STX8: variants seen among roughly 807,000 people sequenced by gnomAD.
STX8 encodes syntaxin 8.
Under a neutral mutation model 37.5 loss-of-function variants are expected in STX8, and 23 were observed. That is an observed-to-expected ratio of 0.61 (90% CI 0.44 to 0.87). The LOEUF (loss-of-function observed/expected upper bound fraction) is 0.87. Ranked by LOEUF, STX8 falls within the 40% of genes least tolerant of loss-of-function variation. The probability of loss-of-function intolerance (pLI) is 0.00; values close to 1 mark genes in which losing one functional copy is unlikely to be tolerated. For synonymous variants in STX8, 115 were observed against 99.1 expected (o/e 1.16, Z -0.95); for missense variants, 313 against 284.7 (o/e 1.10, Z -0.71).
At chr17:9,354,737 A>C (rs1398636616) in intron 7 of STX8, among the ~76,000 whole-genome samples, 1 of 152,136 alleles carries the variant, frequency 6.6e-6, no homozygotes, top group African/African-American at 2.4e-5. Context: ...ACTAAATCTC[A>C]TAACCTTCAG....
At chr17:9,540,683 C>T (rs7224471) in intron 4 of STX8, 152,201 of 152,332 alleles carry the variant, frequency 1, 76,035 homozygotes, top group Middle Eastern at 1. Flanking sequence ...TCTACCTTCT[C>T]CAAATCACTC....
At chr17:9,437,021 A>T (rs1275135860) in intron 6 of STX8, among the ~76,000 whole-genome samples, 2 of 152,236 alleles carry the variant, frequency 1.3e-5, no homozygotes, top group African/African-American at 4.8e-5. Flanking sequence ...ATGAAGCATA[A>T]ATCATGCCTT....
chr17:9,272,180 A>AATG (rs1426138842), intron 7 of STX8, among the ~76,000 whole-genome samples: 4 of 152,218 alleles, frequency 2.6e-5, no homozygotes, highest in African/African-American at 9.6e-5. Context: ...GGGGTGGCCA[A>AATG]ATGACCGCTC....
chr17:9,253,707 A>G (rs956736206), intron 7 of STX8, among the ~76,000 whole-genome samples: 6 of 152,090 alleles, frequency 3.9e-5, no homozygotes, highest in African/African-American at 1.2e-4. Context: ...CACAGTTGGG[A>G]GGACACTTGG....
intron 5 of STX8, among the ~76,000 whole-genome samples, chr17:9,493,918 A>C (rs1021391275): frequency 4.6e-5 from 7 of 152,210 alleles, no homozygotes; most frequent in African/African-American, 1.4e-4. Context: ...ATATCCACAT[A>C]GTAAAACACT....
intron 4 of STX8, 124 bp from the exon 5 acceptor site, chr17:9,505,286 T>C: frequency 9.1e-7 from 1 of 1,097,696 alleles, no homozygotes; most frequent in South Asian, 1.7e-5. Flanking sequence ...CACAATTTAT[T>C]GCATCATTAG....
chr17:9,483,873 G>C (rs1375078045), intron 6 of STX8, among the ~76,000 whole-genome samples: 1 of 152,148 alleles, frequency 6.6e-6, no homozygotes, highest in Non-Finnish European at 1.5e-5. Context: ...CTTGGGCACA[G>C]GCAGGGTGGG....
intron 6 of STX8, among the ~76,000 whole-genome samples, chr17:9,436,212 A>G (rs12947013): frequency 0.18 from 26,884 of 151,224 alleles, 2,944 homozygotes; most frequent in Middle Eastern, 0.27. Flanking sequence ...GGGAGTGGTG[A>G]CGGGCGCCTG....
intron 7 of STX8, among the ~76,000 whole-genome samples, chr17:9,263,453 T>C (rs1239816969): frequency 1.3e-5 from 2 of 152,228 alleles, no homozygotes; most frequent in Non-Finnish European, 2.9e-5. Context: ...CACTCCAGCC[T>C]GGGTAACAAG....
At chr17:9,327,247 GGAA>G (rs888289939) in intron 7 of STX8, among the ~76,000 whole-genome samples, 1 of 148,110 alleles carries the variant, frequency 6.8e-6, no homozygotes, top group African/African-American at 2.5e-5. Flanking sequence ...GGACAGAGGA[GGAA>G]GGAGGAAGGA....
intron 6 of STX8, among the ~76,000 whole-genome samples, chr17:9,466,134 C>T (rs943793428): frequency 6.6e-6 from 1 of 152,058 alleles, no homozygotes; most frequent in Non-Finnish European, 1.5e-5. Context: ...CCACACCCGG[C>T]TAATTTTTTT....
intron 7 of STX8, among the ~76,000 whole-genome samples, chr17:9,288,623 C>A (rs1444399083): frequency 6.6e-6 from 1 of 151,880 alleles, no homozygotes; most frequent in East Asian, 1.9e-4. Flanking sequence ...GATCGCGCCA[C>A]TGCACTCCAG....
chr17:9,479,200 C>T (rs919262770), intron 6 of STX8, among the ~76,000 whole-genome samples: 1 of 152,232 alleles, frequency 6.6e-6, no homozygotes, highest in African/African-American at 2.4e-5. Context: ...ATGCTATTGG[C>T]TGTGGGACAA....
intron 7 of STX8, among the ~76,000 whole-genome samples, chr17:9,304,786 C>A (rs1908912234): frequency 6.6e-6 from 1 of 151,830 alleles, no homozygotes. Flanking sequence ...CTTTGGAGGG[C>A]AATCTGGTAA....
chr17:9,518,855 C>A (rs565654604), intron 4 of STX8, among the ~76,000 whole-genome samples: 1 of 142,200 alleles, frequency 7.0e-6, no homozygotes. Flanking sequence ...GGCGGCAGAG[C>A]GAGACTCCGT....
intron 6 of STX8, among the ~76,000 whole-genome samples, chr17:9,423,681 A>G (rs1913523651): frequency 6.6e-6 from 1 of 152,198 alleles, no homozygotes; most frequent in Non-Finnish European, 1.5e-5. Context: ...GAAAACTGAC[A>G]TGAGTTATGT....
At chr17:9,444,445 G>T (rs1437996890) in intron 6 of STX8, among the ~76,000 whole-genome samples, 1 of 152,134 alleles carries the variant, frequency 6.6e-6, no homozygotes, top group Non-Finnish European at 1.5e-5. Context: ...GCGCTGATTT[G>T]GTGGAATTAT....
At chr17:9,354,489 T>G (rs761908730) in intron 7 of STX8, among the ~76,000 whole-genome samples, 5 of 151,996 alleles carry the variant, frequency 3.3e-5, no homozygotes, top group Non-Finnish European at 7.4e-5. Flanking sequence ...GCCTGGCTAA[T>G]TTTTGTATTT....
intron 3 of STX8, chr17:9,553,603 G>A (rs958808099): frequency 1.3e-5 from 2 of 152,098 alleles, no homozygotes; most frequent in Non-Finnish European, 2.9e-5. Flanking sequence ...TCAAAAAAAG[G>A]ATTAAAAAGT....
Sources: allele counts gnomAD v4.1 joint callset (sites outside exome capture counted in the v4.1 genomes callset), GRCh38; gene constraint gnomAD v4.1.1; transcripts MANE v1.5; gene names NCBI Gene and HGNC (gene_info 2026-07-23, HGNC 2026-07-21).